RBFOX1: variants seen among roughly 807,000 people sequenced by gnomAD.
RBFOX1 encodes RNA binding fox-1 homolog 1.
RBFOX1 carries 8 observed loss-of-function variants against 57.7 expected under a neutral mutation model. That is an observed-to-expected ratio of 0.14 (90% confidence interval 0.08 to 0.25). RBFOX1 has a LOEUF of 0.25. Ranked by LOEUF, RBFOX1 falls within the 10% of genes least tolerant of loss-of-function variation. The pLI is 1.00. For missense variants in RBFOX1, 611 were observed against 548.5 expected, an observed-to-expected ratio of 1.11 and a Z score of -1.14; for synonymous variants, 326 against 222.4, an observed-to-expected ratio of 1.47 and a Z score of -4.15.
At chr16:6,566,506 G>C (rs914323962) in intron 2 of RBFOX1, among the ~76,000 whole-genome samples, 4 of 152,052 alleles carry the variant, frequency 2.6e-5, no homozygotes, top group Admixed American at 2.0e-4. Flanking sequence ...TGTCATTAAT[G>C]TGTAATGAAT....
At position 6,331,026 on chromosome 16, in the gene RBFOX1, TG is replaced by T. The variant is rs200825947; in HGVS notation, c.-64+13972del. Among the ~76,000 whole-genome samples, 268 of 152,342 alleles carry T rather than the reference TG, an allele frequency of 1.8e-3. 10 individuals are homozygous for T. The East Asian group carries it at 0.047, about 27-fold the overall frequency. ...ACTTCAGATTTTATCCTAAGTGCCTTGGGCAGCTCTTAAGGGATCTGAAAAA... is the reference window on the plus strand; with the variant it reads ...ACTTCAGATTTTATCCTAAGTGCCTTGGCAGCTCTTAAGGGATCTGAAAAA... On this transcript the variant is annotated intron_variant, in intron 2 of 15. Transcript: ENST00000550418.
chr16:5,668,804 C>A (rs375792196), intron 3 of RBFOX1, among the ~76,000 whole-genome samples: 1 of 152,134 alleles, frequency 6.6e-6, no homozygotes, highest in African/African-American at 2.4e-5. Flanking sequence ...CGGAAATGCT[C>A]GTAGCTGGTC....
At chr16:6,787,455 A>T (rs1002207126) in intron 3 of RBFOX1, among the ~76,000 whole-genome samples, 1 of 152,188 alleles carries the variant, frequency 6.6e-6, no homozygotes, top group East Asian at 1.9e-4. Flanking sequence ...CTGGTTATAC[A>T]GTTAGAGTGT....
Position 6,965,544 on chromosome 16 carries a change from C to T in RBFOX1, c.-15-86513C>T, listed in dbSNP as rs2094593262. Among the ~76,000 whole-genome samples, 4 of 152,238 alleles carry T rather than the reference C, an allele frequency of 2.6e-5. No homozygotes were observed. In the South Asian group the frequency reaches 8.3e-4, roughly 32 times the overall value. On this transcript the variant is annotated intron_variant, in intron 3 of 15. Coordinates refer to ENST00000550418, the MANE Select transcript of RBFOX1 (RefSeq NM_018723.4). ...TAGAGGCAGGGTTTCACCATGTTGG[C>T]CAGGCTGGTGTCAAACTCCGGACCT...
chr16:7,453,754 A>G (rs2057894565), intron 4 of RBFOX1, among the ~76,000 whole-genome samples: 1 of 152,222 alleles, frequency 6.6e-6, no homozygotes, highest in Non-Finnish European at 1.5e-5. Flanking sequence ...GATGGAAGTC[A>G]TAGAAACCAC....
At chr16:5,638,657 A>T (rs1009689266) in intron 3 of RBFOX1, among the ~76,000 whole-genome samples, 1 of 152,102 alleles carries the variant, frequency 6.6e-6, no homozygotes, top group Non-Finnish European at 1.5e-5. Flanking sequence ...TAGATTCTAG[A>T]TGGGGAGGAT....
intron 4 of RBFOX1, among the ~76,000 whole-genome samples, chr16:6,002,194 C>G (rs560973849): frequency 1.3e-5 from 2 of 152,244 alleles, no homozygotes; most frequent in East Asian, 1.9e-4. Flanking sequence ...CCAGGCTGGT[C>G]TCAAATTCCT....
At chr16:6,957,046 C>A (rs147623123) in intron 3 of RBFOX1, among the ~76,000 whole-genome samples, 1,771 of 140,448 alleles carry the variant, frequency 0.013, 33 homozygotes, top group African/African-American at 0.055. Flanking sequence ...CATATTCCAT[C>A]GGCAGAGCAG....
At chr16:7,025,391 A>G (rs1048030456) in intron 3 of RBFOX1, among the ~76,000 whole-genome samples, 1 of 152,240 alleles carries the variant, frequency 6.6e-6, no homozygotes, top group South Asian at 2.1e-4. Context: ...TTTATCAGCA[A>G]GGTCCTTATG....
rs57644723 is a variant in RBFOX1 at position 5,966,998 on chromosome 16, G to GA, written c.351+99663_351+99664insA. ...GTCTTTCTTGCACTAAATCGGGGGG[G>GA]GGGGGGTCAATAAATGATAGCTCAG... On this transcript the variant is annotated intron_variant, in intron 4 of 19. Coordinates refer to the RBFOX1 transcript ENST00000641259. Among the ~76,000 whole-genome samples, 17 of 136,562 alleles carry GA rather than the reference G, an allele frequency of 1.2e-4. 1 individual carries two copies. Among genetic ancestry groups the GA allele is most frequent in the Non-Finnish European group, 2.7e-4 (17 of 62,482 alleles). The allele number at this position is 136,562 out of a possible 152,430, so 89.6% of individuals were successfully genotyped here. A position where few individuals can be genotyped will look rare whatever the true frequency, so the allele number is the denominator to read the frequency against.
At chr16:6,270,322 C>A (rs1407476806) in intron 1 of RBFOX1, among the ~76,000 whole-genome samples, 1 of 151,954 alleles carries the variant, frequency 6.6e-6, no homozygotes, top group African/African-American at 2.4e-5. Context: ...TAACTATATG[C>A]TGTTGACAAG....
chr16:7,429,705 C>T (rs990396138), intron 4 of RBFOX1, among the ~76,000 whole-genome samples: 1 of 152,092 alleles, frequency 6.6e-6, no homozygotes, highest in African/African-American at 2.4e-5. Flanking sequence ...ATATCTTTTC[C>T]CTTGGGAATT....
At chr16:6,962,806 A>T (rs1046343461) in intron 3 of RBFOX1, among the ~76,000 whole-genome samples, 3 of 151,574 alleles carry the variant, frequency 2.0e-5, no homozygotes, top group Non-Finnish European at 4.4e-5. Flanking sequence ...TGGAGGCTGC[A>T]GTGAGCTGTG....
At chr16:6,726,918 C>A (rs867766112) in intron 3 of RBFOX1, among the ~76,000 whole-genome samples, 9 of 152,108 alleles carry the variant, frequency 5.9e-5, no homozygotes, top group African/African-American at 2.2e-4. Flanking sequence ...AAATAAAGGA[C>A]ACTTTCAGGA....
chr16:5,250,349 G>T (rs2062419767), intron 1 of RBFOX1, among the ~76,000 whole-genome samples: 1 of 151,998 alleles, frequency 6.6e-6, no homozygotes, highest in South Asian at 2.1e-4. Context: ...GTGGTTTACT[G>T]CACCTATCAA....
intron 4 of RBFOX1, among the ~76,000 whole-genome samples, chr16:7,299,179 A>G (rs1336433700): frequency 6.6e-6 from 1 of 152,158 alleles, no homozygotes; most frequent in Non-Finnish European, 1.5e-5. Context: ...CAGGTTACCC[A>G]TTTCTCCACA....
chr16:7,018,862 T>C (rs2094054331), intron 3 of RBFOX1, among the ~76,000 whole-genome samples: 2 of 151,838 alleles, frequency 1.3e-5, no homozygotes, highest in African/African-American at 4.8e-5. Flanking sequence ...CTGACGACTG[T>C]AATCTCAGCA....
intron 4 of RBFOX1, among the ~76,000 whole-genome samples, chr16:7,131,277 C>T (rs971647122): frequency 3.5e-5 from 5 of 142,530 alleles, no homozygotes; most frequent in African/African-American, 1.1e-4. Context: ...ACCTGGGAAG[C>T]GGAGGTTGCA....
chr16:7,307,600 C>T (rs1952811474), intron 4 of RBFOX1, among the ~76,000 whole-genome samples: 1 of 152,164 alleles, frequency 6.6e-6, no homozygotes, highest in African/African-American at 2.4e-5. Context: ...TTTTCTCCTT[C>T]TCCTCTTTTT....
Sources: gnomAD v4.1 joint callset for allele counts (sites outside exome capture counted in the v4.1 genomes callset) on GRCh38, gnomAD v4.1.1 for gene constraint, MANE v1.5 for transcripts, NCBI Gene and HGNC (gene_info 2026-07-23, HGNC 2026-07-21) for gene names.